The following DNAH11 variants were observed in gnomAD, a reference collection of about 807,000 sequenced individuals.
The protein encoded by DNAH11 is dynein axonemal heavy chain 11, also known as axonemal beta dynein heavy chain 11.
DNAH11 carries 442 observed loss-of-function variants against 526.0 expected under a neutral mutation model. The observed-to-expected ratio is 0.84, with a 90% CI of 0.78 to 0.91. DNAH11 has a LOEUF of 0.91. Among genes scored for constraint, DNAH11 ranks in the 40% least tolerant of loss-of-function variants. The pLI, the probability that DNAH11 is intolerant of heterozygous loss-of-function variation, is 0.00. For missense variants in DNAH11, 6,989 were observed against 5,448.7 expected, an observed-to-expected ratio of 1.28 and a Z score of -8.90; for synonymous variants, 2,461 against 1,935.9, an observed-to-expected ratio of 1.27 and a Z score of -7.12.
At chr7:21,775,915 T>A (rs1029828427) in intron 56 of DNAH11, among the ~76,000 whole-genome samples, 4 of 152,174 alleles carry the variant, frequency 2.6e-5, no homozygotes, top group Admixed American at 1.3e-4. Flanking sequence ...AACTGAGCTT[T>A]CAATACTGTG....
intron 69 of DNAH11, among the ~76,000 whole-genome samples, chr7:21,863,714 T>C (rs1281205590): frequency 6.6e-6 from 1 of 152,234 alleles, no homozygotes; most frequent in Non-Finnish European, 1.5e-5. Context: ...CATAGCTATA[T>C]CATAATCTTA....
intron 28 of DNAH11, among the ~76,000 whole-genome samples, chr7:21,641,434 CA>C (rs1787128126): frequency 6.6e-6 from 1 of 152,138 alleles, no homozygotes; most frequent in African/African-American, 2.4e-5. Flanking sequence ...TGTGTCTTAC[CA>C]AACCCTGGAA....
At chr7:21,784,370 T>C (rs1225169182) in intron 57 of DNAH11, 57 bp from the exon 58 acceptor site, 2 of 1,328,408 alleles carry the variant, frequency 1.5e-6, no homozygotes, top group Middle Eastern at 1.8e-4. Flanking sequence ...CATTTTTCTT[T>C]AGAGATATCT....
At chr7:21,849,825 T>C (rs2128022066) in intron 66 of DNAH11, among the ~76,000 whole-genome samples, 1 of 152,320 alleles carries the variant, frequency 6.6e-6, no homozygotes, top group South Asian at 2.1e-4. Context: ...TAATGTTCTA[T>C]GGGTGTCCTG....
chr7:21,615,346 T>G, intron 21 of DNAH11, 74 bp downstream of exon 21: 2 of 1,528,720 alleles, frequency 1.3e-6, no homozygotes, highest in East Asian at 4.6e-5. Context: ...GAGCCTATAT[T>G]ATTCTATTTG....
chr7:21,868,860 A>T lies in DNAH11; in HGVS notation c.11840-4A>T. ...TCCTCTCACCGTGGTGTATTCTCCC[A>T]CAGGCAAAAGACTTGGCTTTACAAT... On this transcript the variant is annotated splice_region_variant and splice_polypyrimidine_tract_variant and intron_variant, in intron 72 of 81. Transcript: ENST00000409508. 6.2e-7 allele frequency: 1 copy of T among 1,613,926 alleles called. No homozygotes were observed. The highest frequency in any genetic ancestry group is 8.5e-7 in the Non-Finnish European group (1 of 1,179,856).
At chr7:21,702,859 T>C (rs1784122357) in intron 37 of DNAH11, 57 bp downstream of exon 37, 14 of 1,430,970 alleles carry the variant, frequency 9.8e-6, no homozygotes, top group Middle Eastern at 3.5e-4. Flanking sequence ...TTCACAGACA[T>C]GAAAGTATAT....
intron 20 of DNAH11, among the ~76,000 whole-genome samples, chr7:21,610,217 T>A (rs1425576126): frequency 6.6e-6 from 1 of 151,964 alleles, no homozygotes; most frequent in African/African-American, 2.4e-5. Flanking sequence ...TTGCGCCACT[T>A]CACTCCAGCC....
At position 21,583,404 on chromosome 7, in the gene DNAH11, G is replaced by C. The variant is rs187407317; in HGVS notation, c.1710+1383G>C. Among the ~76,000 whole-genome samples the C allele has an allele frequency of 1.9e-4, 29 of 152,246 alleles. No individual in the cohort carries two copies. The South Asian group carries it at 4.4e-3, about 23-fold the overall frequency. ...TGCCATATGCAGAAAACGGAAACTGGACCTCTTCCTTACACCTTATAGAAA... is the reference window on the plus strand; with the variant it reads ...TGCCATATGCAGAAAACGGAAACTGCACCTCTTCCTTACACCTTATAGAAA... On this transcript the variant is annotated intron_variant, in intron 9 of 81. Coordinates refer to ENST00000409508, the MANE Select transcript of DNAH11 (RefSeq NM_001277115.2).
At chr7:21,777,949 T>C (rs1787751191) in intron 56 of DNAH11, among the ~76,000 whole-genome samples, 1 of 152,208 alleles carries the variant, frequency 6.6e-6, no homozygotes, top group Admixed American at 6.5e-5. Flanking sequence ...TTAAAATAAA[T>C]GTAAATGGTT....
chr7:21,850,248 C>T (rs1782574225), intron 66 of DNAH11, among the ~76,000 whole-genome samples: 1 of 149,984 alleles, frequency 6.7e-6, no homozygotes, highest in South Asian at 2.1e-4. Context: ...CCCAGCTACT[C>T]GGGAGGCTGA....
intron 65 of DNAH11, among the ~76,000 whole-genome samples, chr7:21,836,288 GC>G (rs1334476634): frequency 6.6e-6 from 1 of 151,898 alleles, no homozygotes; most frequent in Non-Finnish European, 1.5e-5. Context: ...ACTCCAAATA[GC>G]CAAACCAACC....
chr7:21,814,547 G>T (rs1475437840), intron 63 of DNAH11, among the ~76,000 whole-genome samples: 2 of 127,354 alleles, frequency 1.6e-5, no homozygotes, highest in African/African-American at 6.1e-5. Flanking sequence ...CCCAGAGTGT[G>T]ATGTTCCCCT....
intron 76 of DNAH11, among the ~76,000 whole-genome samples, chr7:21,885,189 C>CAAAA (rs1400570074): frequency 8.2e-6 from 1 of 122,692 alleles, no homozygotes; most frequent in Non-Finnish European, 1.6e-5. Flanking sequence ...AAAAAAAAAA[C>CAAAA]ACACACATTT....
At chr7:21,744,783 A>T (rs1786069846) in intron 50 of DNAH11, 87 bp from the exon 51 acceptor site, 1 of 1,499,002 alleles carries the variant, frequency 6.7e-7, no homozygotes, top group East Asian at 2.4e-5. Context: ...TGGGTCTGCA[A>T]GCTTTTCCCT....
rs745332741 is a variant in DNAH11 at position 21,702,731 on chromosome 7, C to G, written c.6202C>G (p.Arg2068Gly). 6 of 1,613,604 alleles carry G rather than the reference C, an allele frequency of 3.7e-6. No individual in the cohort carries two copies. Among genetic ancestry groups the G allele is most frequent in the Non-Finnish European group, 5.1e-6 (6 of 1,179,712 alleles). The change falls in exon 37 of 82, where the codon CGT becomes GGT. Residue 2068 changes from arginine (R) to glycine (G), a missense_variant. By Grantham distance (125) the Arg-to-Gly change is moderately radical (BLOSUM62 -2). Coordinates refer to ENST00000409508, the MANE Select transcript of DNAH11 (RefSeq NM_001277115.2). Reference protein sequence around the residue: ...SKQDHYDWGLRAIKSVLVVAG... With the variant: ...SKQDHYDWGLGAIKSVLVVAG... Reference sequence around the variant, plus strand: ...TTAGGATCATTACGACTGGGGACTTCGTGCTATTAAGTCTGTCTTGGTTGT... The same window carrying G: ...TTAGGATCATTACGACTGGGGACTTGGTGCTATTAAGTCTGTCTTGGTTGT...
intron 70 of DNAH11, among the ~76,000 whole-genome samples, chr7:21,865,361 G>T (rs1562592091): frequency 2.0e-5 from 3 of 152,094 alleles, no homozygotes. Context: ...TGTAACTTTA[G>T]AATTCAAAAT....
intron 28 of DNAH11, among the ~76,000 whole-genome samples, chr7:21,653,749 G>C (rs114404925): frequency 6.6e-6 from 1 of 152,138 alleles, no homozygotes; most frequent in Non-Finnish European, 1.5e-5. Flanking sequence ...TAAAGTAAGC[G>C]AGAGTCTCAA....
intron 25 of DNAH11, among the ~76,000 whole-genome samples, chr7:21,621,714 A>T (rs1786066567): frequency 6.6e-6 from 1 of 152,068 alleles, no homozygotes; most frequent in South Asian, 2.1e-4. Context: ...AGAACCAAAG[A>T]CAAAAACCAC....
Sources: gnomAD v4.1 joint callset for allele counts (sites outside exome capture counted in the v4.1 genomes callset) on GRCh38, gnomAD v4.1.1 for gene constraint, MANE v1.5 for transcripts, NCBI Gene and HGNC (gene_info 2026-07-23, HGNC 2026-07-21) for gene names.